Variants in ZNF346 observed in about 807,000 individuals in gnomAD.
The protein encoded by ZNF346 is zinc finger protein 346.
In ZNF346, 23 loss-of-function variants were observed where a neutral mutation model predicts 33.7. That is an observed-to-expected ratio of 0.68 (90% CI 0.49 to 0.97). The LOEUF (loss-of-function observed/expected upper bound fraction) is 0.97. Among genes scored for constraint, ZNF346 ranks in the 50% least tolerant of loss-of-function variants. The pLI, the probability that ZNF346 is intolerant of heterozygous loss-of-function variation, is 0.00. For synonymous variants in ZNF346, 134 were observed against 142.4 expected (o/e 0.94, Z 0.42); for missense variants, 340 against 371.1 (o/e 0.92, Z 0.69).
intron 5 of ZNF346, among the ~76,000 whole-genome samples, chr5:177,056,139 G>A (rs1239219485): frequency 6.6e-6 from 1 of 151,174 alleles, no homozygotes; most frequent in African/African-American, 2.4e-5. Context: ...CAGCTACTCA[G>A]GAGGCTGAGT....
At chr5:177,064,208 G>C (rs1272572114) in intron 6 of ZNF346, among the ~76,000 whole-genome samples, 1 of 152,186 alleles carries the variant, frequency 6.6e-6, no homozygotes, top group East Asian at 1.9e-4. Flanking sequence ...ATAGTGAAAA[G>C]GCATTGGCTA....
chr5:177,034,452 C>G (rs1225414398), intron 1 of ZNF346, among the ~76,000 whole-genome samples: 2 of 152,040 alleles, frequency 1.3e-5, no homozygotes, highest in African/African-American at 4.8e-5. Flanking sequence ...TTCTTGAACT[C>G]CTGGGCTCAA....
intron 1 of ZNF346, among the ~76,000 whole-genome samples, chr5:177,040,793 G>C (rs1314701913): frequency 6.6e-6 from 1 of 152,162 alleles, no homozygotes; most frequent in Non-Finnish European, 1.5e-5. Context: ...CACAGTTGCT[G>C]TTCTCTTCTT....
rs557718895 is a variant in ZNF346 at position 177,059,642 on chromosome 5, A to G, written c.704-2416A>G. ...CTTCACCCCATTACTTTCCCTAATT[A>G]GGGTCTTATCTCCCACTCAGTAGAG... On this transcript the variant is annotated intron_variant, in intron 5 of 6. Coordinates refer to ENST00000358149, the MANE Select transcript of ZNF346 (RefSeq NM_012279.4). Among the ~76,000 whole-genome samples, 4 of 152,320 alleles carry G rather than the reference A, an allele frequency of 2.6e-5. No homozygotes were observed. In the South Asian group the frequency reaches 8.3e-4, roughly 32 times the overall value.
rs954004495 is a variant in ZNF346, at chr5:177,044,284, G to A, written c.373-105G>A. ...AGAAAGTAGGTTGGGGTTAATGTGT[G>A]AGGGGGGCCATAAATGCCTGTTCTG... On this transcript the variant is annotated intron_variant, in intron 3 of 6. Coordinates refer to ENST00000358149, the MANE Select transcript of ZNF346 (RefSeq NM_012279.4). The A allele has an allele frequency of 2.1e-5, 26 of 1,255,044 alleles. No homozygotes were observed. In the Admixed American group the frequency reaches 2.5e-4, roughly 12 times the overall value. The allele number at this position is 1,255,044 out of a possible 1,614,324, so 77.7% of individuals were successfully genotyped here. A position where few individuals can be genotyped will look rare whatever the true frequency, so the allele number is the denominator to read the frequency against.
intron 2 of ZNF346, among the ~76,000 whole-genome samples, chr5:177,041,510 A>G (rs970475082): frequency 6.6e-6 from 1 of 152,174 alleles, no homozygotes; most frequent in Non-Finnish European, 1.5e-5. Flanking sequence ...AAACTCTGCT[A>G]CTCATCTTGA....
intron 6 of ZNF346, among the ~76,000 whole-genome samples, chr5:177,064,292 A>G (rs529676625): frequency 1.7e-4 from 26 of 152,300 alleles, no homozygotes; most frequent in Admixed American, 6.5e-4. Flanking sequence ...GTTTCCTTGT[A>G]TGTAAAATGA....
At chr5:177,060,137 C>A (rs1025513334) in intron 5 of ZNF346, among the ~76,000 whole-genome samples, 1 of 152,206 alleles carries the variant, frequency 6.6e-6, no homozygotes, top group Non-Finnish European at 1.5e-5. Flanking sequence ...TTGAGCTTTA[C>A]GGGCGGATCA....
intron 1 of ZNF346, among the ~76,000 whole-genome samples, chr5:177,023,549 G>A (rs1242359598): frequency 6.6e-6 from 1 of 152,224 alleles, no homozygotes; most frequent in Non-Finnish European, 1.5e-5. Flanking sequence ...GCTGAGAACA[G>A]TGTATGCAAA....
intron 5 of ZNF346, among the ~76,000 whole-genome samples, chr5:177,054,055 A>G (rs1357928000): frequency 6.6e-6 from 1 of 150,658 alleles, no homozygotes; most frequent in East Asian, 2.0e-4. Flanking sequence ...TAAAAAACTT[A>G]TGAATTGTTT....
chr5:177,053,394 T>C (rs1298367292), intron 5 of ZNF346, among the ~76,000 whole-genome samples: 2 of 151,418 alleles, frequency 1.3e-5, no homozygotes, highest in Non-Finnish European at 2.9e-5. Flanking sequence ...CAAGTCATCC[T>C]TCTACCTTGG....
Position 177,050,867 on chromosome 5 carries a change from C to T in ZNF346, c.634C>T (p.Gln212Ter). 6.2e-7 allele frequency: 1 copy of T among 1,614,192 alleles called. No individual in the cohort carries two copies. Among genetic ancestry groups the T allele is most frequent in the Non-Finnish European group, 8.5e-7 (1 of 1,180,040 alleles). ...TTATGTGGGCAAGAAACACAGAAAA[C>T]AGGAGACCAAGCTCAAACTAATGGC... ...QHYVGKKHRK[Q>*]ETKLKLMARY... is the part of the protein sequence containing the mutation. Residue 212 changes from glutamine to a stop codon, truncating the protein, a stop_gained, in exon 5 of 7, where the codon CAG becomes TAG. Coordinates refer to ENST00000358149, the MANE Select transcript of ZNF346 (RefSeq NM_012279.4). LOFTEE classifies it high-confidence loss of function.
chr5:177,034,130 ACCT>A (rs1206143388), intron 1 of ZNF346, among the ~76,000 whole-genome samples: 1 of 149,316 alleles, frequency 6.7e-6, no homozygotes, highest in Non-Finnish European at 1.5e-5. Flanking sequence ...TGATCCTCCC[ACCT>A]CAGCCTCCTG....
At chr5:177,028,522 T>TATATATATATATATATATATATATATG (rs1777191865) in intron 1 of ZNF346, among the ~76,000 whole-genome samples, 1 of 23,108 alleles carries the variant, frequency 4.3e-5, no homozygotes, top group Non-Finnish European at 7.8e-5. Context: ...ATATATATAT[T>TATATATATATATATATATATATATATG]TCCCTCCATA....
downstream of ZNF346, among the ~76,000 whole-genome samples, chr5:177,068,156 A>G (rs1366924705): frequency 1.4e-5 from 2 of 143,120 alleles, no homozygotes; most frequent in Non-Finnish European, 3.0e-5. Context: ...TGTCAGTGCC[A>G]TGGTCTCACA....
chr5:177,069,238 C>T (rs528462713), downstream of ZNF346, among the ~76,000 whole-genome samples: 171 of 119,470 alleles, frequency 1.4e-3, 48 homozygotes, highest in African/African-American at 9.6e-3. Flanking sequence ...GGGCGCATCA[C>T]TTGAGGTCAG....
intron 4 of ZNF346, among the ~76,000 whole-genome samples, chr5:177,048,498 G>A (rs140283009): frequency 0.012 from 1,753 of 152,262 alleles, 11 homozygotes; most frequent in South Asian, 0.025. Context: ...GCGTATGCCT[G>A]TAATCCCATC....
chr5:177,027,391 C>T (rs116080742), intron 1 of ZNF346, among the ~76,000 whole-genome samples: 1,642 of 151,988 alleles, frequency 0.011, 25 homozygotes, highest in African/African-American at 0.038. Flanking sequence ...CGTGGAGAAA[C>T]CCTGTAAATT....
chr5:177,056,075 CAAA>C (rs386405776), intron 5 of ZNF346, among the ~76,000 whole-genome samples: 4 of 97,102 alleles, frequency 4.1e-5, no homozygotes, highest in Admixed American at 2.5e-4. Context: ...GACTCCGTCT[CAAA>C]AAAAAAAAAA....
Sources: allele counts gnomAD v4.1 joint callset (sites outside exome capture counted in the v4.1 genomes callset), GRCh38; gene constraint gnomAD v4.1.1; transcripts MANE v1.5; gene names NCBI Gene and HGNC (gene_info 2026-07-23, HGNC 2026-07-21).